The following FHIT variants were observed in gnomAD, a reference collection of about 807,000 sequenced individuals.
The protein encoded by FHIT is fragile histidine triad diadenosine triphosphatase, also known as bis(5'-adenosyl)-triphosphatase.
A neutral mutation model predicts 17.9 loss-of-function variants in FHIT; 19 were observed. The observed-to-expected ratio is 1.06, with a 90% confidence interval of 0.74 to 1.56. The LOEUF is 1.56. Ranked by LOEUF, FHIT falls within the 40% of genes most tolerant of loss-of-function variation. The probability of loss-of-function intolerance (pLI) is 0.00; values close to 1 mark genes in which losing one functional copy is unlikely to be tolerated. For synonymous variants in FHIT, 81 were observed against 69.7 expected (o/e 1.16, Z -0.81); for missense variants, 248 against 189.2 (o/e 1.31, Z -1.82).
intron 5 of FHIT, among the ~76,000 whole-genome samples, chr3:60,143,207 T>C (rs536537267): frequency 6.6e-6 from 1 of 152,300 alleles, no homozygotes; most frequent in Admixed American, 6.5e-5. Context: ...GTAGATAGCA[T>C]TGCCAAACTC....
At chr3:60,460,371 CA>C (rs2032383941) in intron 5 of FHIT, among the ~76,000 whole-genome samples, 1 of 151,686 alleles carries the variant, frequency 6.6e-6, no homozygotes, top group Non-Finnish European at 1.5e-5. Context: ...AGCTTCCTTC[CA>C]AGGGAAATAA....
chr3:60,774,033 G>A (rs1425254501), intron 4 of FHIT, among the ~76,000 whole-genome samples: 1 of 152,176 alleles, frequency 6.6e-6, no homozygotes, highest in Non-Finnish European at 1.5e-5. Flanking sequence ...TGATGGATGA[G>A]CTTAAGGAAG....
At chr3:60,677,813 A>T (rs537194185) in intron 4 of FHIT, among the ~76,000 whole-genome samples, 73 of 152,242 alleles carry the variant, frequency 4.8e-4, no homozygotes, top group African/African-American at 1.6e-3. Flanking sequence ...TTTAGGGGGA[A>T]GGTTTTAAAA....
chr3:60,337,331 T>C (rs1302034271), intron 5 of FHIT, among the ~76,000 whole-genome samples: 1 of 152,150 alleles, frequency 6.6e-6, no homozygotes, highest in Non-Finnish European at 1.5e-5. Flanking sequence ...GCTTCTGGAA[T>C]CTGAAAAACT....
At chr3:61,032,973 T>A (rs551261688) in intron 3 of FHIT, among the ~76,000 whole-genome samples, 1 of 152,220 alleles carries the variant, frequency 6.6e-6, no homozygotes, top group Non-Finnish European at 1.5e-5. Context: ...AGCTCTGATA[T>A]CTGAGGACAG....
intron 4 of FHIT, among the ~76,000 whole-genome samples, chr3:60,538,422 A>C (rs2107602299): frequency 6.6e-6 from 1 of 152,348 alleles, no homozygotes; most frequent in Non-Finnish European, 1.5e-5. Flanking sequence ...CTTTCTTCAC[A>C]GAATTGGAAA....
intron 4 of FHIT, among the ~76,000 whole-genome samples, chr3:60,593,166 C>T (rs2038147817): frequency 6.6e-6 from 1 of 152,094 alleles, no homozygotes; most frequent in Admixed American, 6.6e-5. Context: ...AGTATGTAAT[C>T]TTCTATTGGT....
intron 5 of FHIT, among the ~76,000 whole-genome samples, chr3:60,084,392 A>C (rs1383276454): frequency 6.6e-6 from 1 of 152,178 alleles, no homozygotes; most frequent in Non-Finnish European, 1.5e-5. Flanking sequence ...TTGTCAAGCA[A>C]TCACTCATTC....
At chr3:60,318,308 G>A (rs190972016) in intron 5 of FHIT, among the ~76,000 whole-genome samples, 33 of 152,178 alleles carry the variant, frequency 2.2e-4, no homozygotes, top group African/African-American at 5.3e-4. Flanking sequence ...AGTCTTGCTC[G>A]ATTTCTGATC....
At chr3:60,957,371 G>A (rs1467721635) in intron 3 of FHIT, among the ~76,000 whole-genome samples, 1 of 151,588 alleles carries the variant, frequency 6.6e-6, no homozygotes, top group Middle Eastern at 3.5e-3. Context: ...CTGAGTAGCT[G>A]GGATTACAGG....
chr3:60,562,281 C>T (rs2036980170), intron 4 of FHIT, among the ~76,000 whole-genome samples: 1 of 152,178 alleles, frequency 6.6e-6, no homozygotes, highest in African/African-American at 2.4e-5. Flanking sequence ...TCTCTATTCT[C>T]TGATCCAGGG....
chr3:60,030,179 A>G lies in FHIT; in HGVS notation c.104-16027T>C, dbSNP rs570940049. 3.3e-5 allele frequency among the ~76,000 whole-genome samples: 5 copies of G among 152,310 alleles called. No homozygotes were observed. In the East Asian group the frequency reaches 9.6e-4, roughly 29 times the overall value. On this transcript the variant is annotated intron_variant, in intron 5 of 9. Transcript: ENST00000492590. ...ACCAAATGTTCTCTTGTACATCACA[A>G]TATGACTGAAGGGAGATTACATAAT...
At position 61,114,531 on chromosome 3, in the gene FHIT, A is replaced by G. The variant is rs887805281; in HGVS notation, c.-163-72432T>C. 5.9e-5 allele frequency among the ~76,000 whole-genome samples: 9 copies of G among 152,252 alleles called. No individual in the cohort carries two copies. In the South Asian group the frequency reaches 6.2e-4, roughly 11 times the overall value. On this transcript the variant is annotated intron_variant, in intron 2 of 9. Coordinates refer to ENST00000492590, the MANE Select transcript of FHIT (RefSeq NM_002012.4). ...GGATTAGTAATACTATCTACTTCAC[A>G]TAAGTGCTTGGCATAGAATCTGGCA...
chr3:60,455,117 G>C (rs1328843002), intron 5 of FHIT, among the ~76,000 whole-genome samples: 1 of 151,994 alleles, frequency 6.6e-6, no homozygotes, highest in African/African-American at 2.4e-5. Context: ...AGATGGGGTG[G>C]GTGAGGTAGG....
At chr3:60,112,509 G>A (rs1704721127) in intron 5 of FHIT, among the ~76,000 whole-genome samples, 1 of 152,122 alleles carries the variant, frequency 6.6e-6, no homozygotes, top group South Asian at 2.1e-4. Flanking sequence ...CGACTGCAGG[G>A]AACCTGGACA....
At chr3:60,969,547 T>C (rs2107526069) in intron 3 of FHIT, among the ~76,000 whole-genome samples, 1 of 152,264 alleles carries the variant, frequency 6.6e-6, no homozygotes, top group East Asian at 1.9e-4. Flanking sequence ...TATATCTTCA[T>C]TATCAGAAAT....
At position 60,137,759 on chromosome 3, in the gene FHIT, C is replaced by T. The variant is rs140934020; in HGVS notation, c.104-123607G>A. Among the ~76,000 whole-genome samples the T allele has an allele frequency of 6.6e-5, 10 of 152,316 alleles. No homozygotes were observed. In the South Asian group the frequency reaches 1.4e-3, roughly 22 times the overall value. ...AGACAAGTCAGCACTGGATCAACCT[C>T]TTCACCTGTAAAATGAGGGTAAGAA... On this transcript the variant is annotated intron_variant, in intron 5 of 9. Coordinates refer to ENST00000492590, the MANE Select transcript of FHIT (RefSeq NM_002012.4).
chr3:60,653,376 T>C (rs2040040535), intron 4 of FHIT, among the ~76,000 whole-genome samples: 1 of 152,070 alleles, frequency 6.6e-6, no homozygotes, highest in South Asian at 2.1e-4. Context: ...AGAAAGTTTG[T>C]AGGCAACGTT....
chr3:60,256,514 T>C (rs943473572), intron 5 of FHIT, among the ~76,000 whole-genome samples: 1 of 152,204 alleles, frequency 6.6e-6, no homozygotes, highest in African/African-American at 2.4e-5. Flanking sequence ...ACAGACCCTA[T>C]GGTTACGCCA....
Sources: gnomAD v4.1 joint callset for allele counts (sites outside exome capture counted in the v4.1 genomes callset) on GRCh38, gnomAD v4.1.1 for gene constraint, MANE v1.5 for transcripts, NCBI Gene and HGNC (gene_info 2026-07-23, HGNC 2026-07-21) for gene names.